AGBL4: variants seen among roughly 807,000 people sequenced by gnomAD.
The protein encoded by AGBL4 is cytosolic carboxypeptidase 6.
AGBL4 carries 58 observed loss-of-function variants against 66.4 expected under a neutral mutation model. The ratio of observed to expected loss-of-function variants is 0.87; its 90% CI spans 0.71 to 1.09. AGBL4 has a LOEUF of 1.09. AGBL4 is among the 50% of genes least tolerant of loss of function. The pLI is 0.00. For synonymous variants in AGBL4, 234 were observed against 222.9 expected, an observed-to-expected ratio of 1.05 and a Z score of -0.44; for missense variants, 579 against 631.0, an observed-to-expected ratio of 0.92 and a Z score of 0.88.
rs1349927074 is a variant in AGBL4 at position 49,055,012 on chromosome 1, T to C, written c.378-9212A>G. Among the ~76,000 whole-genome samples, 7 of 152,130 alleles carry C rather than the reference T, an allele frequency of 4.6e-5. No individual in the cohort carries two copies. The East Asian group carries it at 1.4e-3, about 29-fold the overall frequency. On this transcript the variant is annotated intron_variant, in intron 4 of 13. Coordinates refer to ENST00000371839, the MANE Select transcript of AGBL4 (RefSeq NM_032785.4). ...GCTTGCAAACAGGAAGATACGACAG[T>C]TGTCTTTACAAAAGCAAGAAAGAAA...
intron 3 of AGBL4, among the ~76,000 whole-genome samples, chr1:49,544,327 T>TTGTCC (rs1165318900): frequency 6.6e-6 from 1 of 152,212 alleles, no homozygotes; most frequent in Non-Finnish European, 1.5e-5. Flanking sequence ...TCACATTATT[T>TTGTCC]TGTCCTTTTG....
At chr1:48,798,489 C>G (rs1354095831) in intron 6 of AGBL4, among the ~76,000 whole-genome samples, 1 of 152,074 alleles carries the variant, frequency 6.6e-6, no homozygotes, top group African/African-American at 2.4e-5. Context: ...TAATTACATC[C>G]CATCCATTTA....
intron 1 of AGBL4, among the ~76,000 whole-genome samples, chr1:49,956,925 G>C (rs1027602683): frequency 2.6e-5 from 4 of 151,966 alleles, no homozygotes; most frequent in Admixed American, 2.6e-4. Context: ...AGATTGTGGA[G>C]AGCTTTGGAT....
intron 3 of AGBL4, among the ~76,000 whole-genome samples, chr1:49,645,745 A>G (rs970389432): frequency 6.6e-6 from 1 of 150,668 alleles, no homozygotes; most frequent in Non-Finnish European, 1.5e-5. Context: ...ATATACCCCA[A>G]TACCCCTCAG....
At chr1:48,561,544 A>G (rs1468295150) in intron 11 of AGBL4, among the ~76,000 whole-genome samples, 1 of 152,198 alleles carries the variant, frequency 6.6e-6, no homozygotes, top group Non-Finnish European at 1.5e-5. Context: ...TTGGTCAAAC[A>G]TTATTCTGGA....
intron 2 of AGBL4, among the ~76,000 whole-genome samples, chr1:49,824,040 G>A (rs371644012): frequency 1.1e-4 from 16 of 151,866 alleles, no homozygotes; most frequent in East Asian, 3.9e-4. Flanking sequence ...GAGAAACCCC[G>A]TCTCTACTAA....
At chr1:49,815,437 C>T (rs1645208219) in intron 2 of AGBL4, among the ~76,000 whole-genome samples, 1 of 152,142 alleles carries the variant, frequency 6.6e-6, no homozygotes. Flanking sequence ...ACTTACATTG[C>T]TTCAAAATCT....
chr1:48,687,383 C>T (rs1278455297), intron 6 of AGBL4, among the ~76,000 whole-genome samples: 3 of 152,200 alleles, frequency 2.0e-5, no homozygotes, highest in African/African-American at 4.8e-5. Context: ...GAAAAGGCCC[C>T]GGTGGGCCGC....
chr1:49,979,974 G>C (rs1336087238), intron 1 of AGBL4, among the ~76,000 whole-genome samples: 1 of 152,168 alleles, frequency 6.6e-6, no homozygotes, highest in Non-Finnish European at 1.5e-5. Context: ...GATAAATACA[G>C]TATAGTATTA....
chr1:49,155,309 T>C (rs1646409904), intron 4 of AGBL4, among the ~76,000 whole-genome samples: 1 of 152,152 alleles, frequency 6.6e-6, no homozygotes, highest in Non-Finnish European at 1.5e-5. Context: ...CCCAAGCTCT[T>C]TCCTCTAAAC....
intron 3 of AGBL4, among the ~76,000 whole-genome samples, chr1:49,313,633 G>A (rs1427963641): frequency 1.3e-5 from 2 of 151,740 alleles, no homozygotes; most frequent in Non-Finnish European, 2.9e-5. Flanking sequence ...CTGTGATGAT[G>A]AGCTTTTTTT....
intron 2 of AGBL4, among the ~76,000 whole-genome samples, chr1:49,772,130 T>C (rs927281363): frequency 1.3e-5 from 2 of 152,126 alleles, no homozygotes; most frequent in Non-Finnish European, 2.9e-5. Flanking sequence ...TTGTTCTACT[T>C]CTTTGTGTAT....
chr1:49,579,981 C>T (rs115893407), intron 3 of AGBL4, among the ~76,000 whole-genome samples: 1,660 of 152,224 alleles, frequency 0.011, 27 homozygotes, highest in African/African-American at 0.038. Flanking sequence ...TTTTATGAAT[C>T]TAAGTGCTCT....
At chr1:48,590,705 C>T in intron 10 of AGBL4, 128 bp downstream of exon 10, 1 of 1,065,368 alleles carries the variant, frequency 9.4e-7, no homozygotes. Context: ...ATCTTCATCA[C>T]CCACACAATA....
At chr1:49,301,335 G>GACTCCATCTTGCTT (rs1259267823) in intron 3 of AGBL4, among the ~76,000 whole-genome samples, 14 of 152,180 alleles carry the variant, frequency 9.2e-5, no homozygotes, top group Admixed American at 3.9e-4. Flanking sequence ...TAACAGAACT[G>GACTCCATCTTGCTT]ACTCCATCTT....
At position 49,938,094 on chromosome 1, in the gene AGBL4, G is replaced by A. The variant is rs187543858; in HGVS notation, c.34+85669C>T. 2.2e-4 allele frequency among the ~76,000 whole-genome samples: 33 copies of A among 149,418 alleles called. 1 individual carries two copies. In the East Asian group the frequency reaches 3.2e-3, roughly 14 times the overall value. On this transcript the variant is annotated intron_variant, in intron 1 of 13. Coordinates refer to ENST00000371839, the MANE Select transcript of AGBL4 (RefSeq NM_032785.4). ...AAAGGATCAACAAAAGTGATAGACC[G>A]CTAGCAAGACTAATAAAGAAGAAAA... is the stretch of plus-strand genomic sequence containing the variant.
intron 2 of AGBL4, among the ~76,000 whole-genome samples, chr1:49,828,977 G>A (rs1383936548): frequency 6.6e-6 from 1 of 151,978 alleles, no homozygotes; most frequent in Non-Finnish European, 1.5e-5. Context: ...GCTGAGGCAG[G>A]AGAATGGCGT....
At chr1:49,970,003 G>A (rs1319237208) in intron 1 of AGBL4, among the ~76,000 whole-genome samples, 1 of 152,188 alleles carries the variant, frequency 6.6e-6, no homozygotes, top group Non-Finnish European at 1.5e-5. Context: ...TGGGGAAAGA[G>A]TAGTCTCTTC....
intron 2 of AGBL4, among the ~76,000 whole-genome samples, chr1:49,715,527 G>A (rs1290294299): frequency 6.6e-6 from 1 of 152,136 alleles, no homozygotes; most frequent in Non-Finnish European, 1.5e-5. Flanking sequence ...CCAGATCCTT[G>A]AGGAATTGCC....
Sources: gnomAD v4.1 joint callset for allele counts (sites outside exome capture counted in the v4.1 genomes callset) on GRCh38, gnomAD v4.1.1 for gene constraint, MANE v1.5 for transcripts, NCBI Gene and HGNC (gene_info 2026-07-23, HGNC 2026-07-21) for gene names.